Variants in NLGN1 observed in about 807,000 individuals in gnomAD.
NLGN1 encodes neuroligin-1.
NLGN1 carries 12 observed loss-of-function variants against 65.5 expected under a neutral mutation model. That is an observed-to-expected ratio of 0.18 (90% CI 0.12 to 0.30). The LOEUF (loss-of-function observed/expected upper bound fraction) is 0.30, where lower values mean the gene tolerates loss of function less well. NLGN1 is among the 10% of genes least tolerant of loss of function. NLGN1 has a pLI of 1.00. For synonymous variants in NLGN1, 350 were observed against 359.5 expected, an observed-to-expected ratio of 0.97 and a Z score of 0.30; for missense variants, 750 against 1,007.1, an observed-to-expected ratio of 0.74 and a Z score of 3.46.
chr3:173,957,436 A>G (rs1278674083), intron 4 of NLGN1, among the ~76,000 whole-genome samples: 1 of 152,160 alleles, frequency 6.6e-6, no homozygotes, highest in African/African-American at 2.4e-5. Flanking sequence ...CTCATGGGTT[A>G]CAACTAAATA....
chr3:173,624,725 A>G (rs1023289383), intron 3 of NLGN1, among the ~76,000 whole-genome samples: 10 of 152,166 alleles, frequency 6.6e-5, no homozygotes, highest in Non-Finnish European at 1.0e-4. Context: ...AGGTTTCTCA[A>G]TTAATTTACT....
intron 2 of NLGN1, among the ~76,000 whole-genome samples, chr3:173,542,482 A>G (rs1018963310): frequency 1.3e-5 from 2 of 152,072 alleles, no homozygotes; most frequent in African/African-American, 4.8e-5. Context: ...GTAAATAAAC[A>G]TTTCCTAGAA....
chr3:173,619,323 A>G (rs1483649187), intron 3 of NLGN1, among the ~76,000 whole-genome samples: 1 of 152,200 alleles, frequency 6.6e-6, no homozygotes, highest in East Asian at 1.9e-4. Flanking sequence ...TTTGGGAAAT[A>G]AAAGATCTGT....
At chr3:173,457,737 C>T (rs1281013168) in intron 2 of NLGN1, among the ~76,000 whole-genome samples, 1 of 151,930 alleles carries the variant, frequency 6.6e-6, no homozygotes, top group Non-Finnish European at 1.5e-5. Flanking sequence ...TGAAATAAAG[C>T]AATAAGGCTA....
intron 2 of NLGN1, among the ~76,000 whole-genome samples, chr3:173,484,944 G>C (rs2010768): frequency 0.47 from 71,593 of 151,538 alleles, 19,306 homozygotes; most frequent in East Asian, 0.81. Context: ...CACTCTATAA[G>C]TCAGTGACTG....
At chr3:173,918,396 G>T (rs547358459) in intron 4 of NLGN1, among the ~76,000 whole-genome samples, 1 of 152,026 alleles carries the variant, frequency 6.6e-6, no homozygotes, top group Non-Finnish European at 1.5e-5. Flanking sequence ...CAGCACTTTG[G>T]GGGGCCGAGG....
chr3:173,485,170 A>G (rs898590164), intron 2 of NLGN1, among the ~76,000 whole-genome samples: 4 of 146,940 alleles, frequency 2.7e-5, no homozygotes, highest in East Asian at 2.0e-4. Flanking sequence ...TTTTAACTCT[A>G]TCAGATCTTG....
intron 2 of NLGN1, among the ~76,000 whole-genome samples, chr3:173,510,269 C>T (rs942713254): frequency 6.6e-6 from 1 of 152,198 alleles, no homozygotes; most frequent in African/African-American, 2.4e-5. Flanking sequence ...TGATTGATAT[C>T]ACTCACCTGC....
intron 4 of NLGN1, among the ~76,000 whole-genome samples, chr3:173,875,057 G>T (rs948803073): frequency 6.6e-6 from 1 of 152,100 alleles, no homozygotes; most frequent in East Asian, 1.9e-4. Context: ...ACTATTGGGG[G>T]TATAAATCAC....
chr3:174,039,197 T>C (rs888079141), intron 4 of NLGN1, among the ~76,000 whole-genome samples: 1 of 152,148 alleles, frequency 6.6e-6, no homozygotes, highest in East Asian at 1.9e-4. Context: ...AGTTGCCTCA[T>C]ACATTTTACC....
At chr3:173,539,865 T>TTA (rs1420266608) in intron 2 of NLGN1, among the ~76,000 whole-genome samples, 1 of 118,880 alleles carries the variant, frequency 8.4e-6, no homozygotes, top group East Asian at 6.4e-4. Flanking sequence ...TATGTATGTG[T>TTA]TATATATATC....
At chr3:174,028,848 C>T (rs748356754) in intron 4 of NLGN1, among the ~76,000 whole-genome samples, 60 of 152,148 alleles carry the variant, frequency 3.9e-4, no homozygotes, top group Non-Finnish European at 7.6e-4. Flanking sequence ...GGCCTGGAGG[C>T]TTAGGAGGGA....
rs560431091 is a variant in NLGN1 at position 174,076,108 on chromosome 3, A to G, written c.647-199207A>G. Among the ~76,000 whole-genome samples, 91 of 152,256 alleles carry G rather than the reference A, an allele frequency of 6.0e-4. 1 individual carries two copies. The highest frequency in any genetic ancestry group is 1.2e-3 in the Admixed American group (19 of 15,274). On this transcript the variant is annotated intron_variant, in intron 4 of 6. Coordinates refer to ENST00000457714, the Ensembl canonical transcript of NLGN1. The stretch of plus-strand genomic sequence containing the variant: ...AAATATATGTGATATTCTGTGTCCA[A>G]AATTTGACCAGTGGTTTTAAAGCAA...
chr3:173,977,336 G>A (rs1717724712), intron 4 of NLGN1, among the ~76,000 whole-genome samples: 1 of 151,830 alleles, frequency 6.6e-6, no homozygotes, highest in African/African-American at 2.4e-5. Flanking sequence ...TGGGGATGGG[G>A]GAAGGGCACG....
chr3:174,062,152 C>T (rs1287232953), intron 4 of NLGN1, among the ~76,000 whole-genome samples: 1 of 151,928 alleles, frequency 6.6e-6, no homozygotes, highest in East Asian at 1.9e-4. Flanking sequence ...CAACTTAATT[C>T]AAATCCACTG....
At chr3:174,094,769 A>AAAAAAAAAAAAAG (rs1553932377) in intron 4 of NLGN1, among the ~76,000 whole-genome samples, 1 of 145,994 alleles carries the variant, frequency 6.8e-6, no homozygotes, top group African/African-American at 2.6e-5. Flanking sequence ...AAAAAAAAAA[A>AAAAAAAAAAAAAG]GTCAAGCATA....
intron 3 of NLGN1, among the ~76,000 whole-genome samples, chr3:173,609,253 A>G (rs1447376755): frequency 6.6e-6 from 1 of 151,938 alleles, no homozygotes; most frequent in Non-Finnish European, 1.5e-5. Context: ...TACAGAACTA[A>G]TTTTCATTCC....
intron 4 of NLGN1, among the ~76,000 whole-genome samples, chr3:174,239,606 A>AT (rs1242220169): frequency 1.3e-5 from 2 of 152,054 alleles, no homozygotes; most frequent in Non-Finnish European, 2.9e-5. Flanking sequence ...TTTTGTATTA[A>AT]TTTTTTAAAT....
chr3:173,561,907 C>T (rs1390402259), intron 2 of NLGN1, among the ~76,000 whole-genome samples: 1 of 152,146 alleles, frequency 6.6e-6, no homozygotes, highest in African/African-American at 2.4e-5. Flanking sequence ...GGCTCGAAAA[C>T]ATTGCAGAAA....
Sources: allele counts gnomAD v4.1 joint callset (sites outside exome capture counted in the v4.1 genomes callset), GRCh38; gene constraint gnomAD v4.1.1; transcripts MANE v1.5; gene names NCBI Gene and HGNC (gene_info 2026-07-23, HGNC 2026-07-21).